The following PEX14 variants were observed in gnomAD, a reference collection of about 807,000 sequenced individuals.
PEX14 encodes the protein peroxisomal biogenesis factor 14, also known as peroxisomal membrane protein PEX14.
In PEX14, 15 loss-of-function variants were observed where a neutral mutation model predicts 49.5. The ratio of observed to expected loss-of-function variants is 0.30; its 90% CI spans 0.20 to 0.47. PEX14 has a LOEUF of 0.47. Among genes scored for constraint, PEX14 ranks in the 20% least tolerant of loss-of-function variants. The pLI, the probability that PEX14 is intolerant of heterozygous loss-of-function variation, is 1.00. For synonymous variants in PEX14, 210 were observed against 212.7 expected, an observed-to-expected ratio of 0.99 and a Z score of 0.11; for missense variants, 398 against 494.8, an observed-to-expected ratio of 0.80 and a Z score of 1.86.
intron 3 of PEX14, among the ~76,000 whole-genome samples, chr1:10,587,149 CAA>C (rs1570312220): frequency 6.6e-6 from 1 of 151,920 alleles, no homozygotes; most frequent in Non-Finnish European, 1.5e-5. Context: ...TCAATGCCAA[CAA>C]AAGTTTCCTT....
chr1:10,616,850 T>C (rs1454059308), intron 4 of PEX14: 1 of 152,138 alleles, frequency 6.6e-6, no homozygotes, highest in Non-Finnish European at 1.5e-5. Context: ...GGCGCGGTGC[T>C]GCTCGCCTGT....
rs777737482 is a variant in PEX14 at position 10,627,317 on chromosome 1, G to A, written c.631G>A (p.Glu211Lys). Reference sequence around the variant, plus strand: ...GATCCTGGAGTCCCAGAATATCAACGAACTCAAGTCCGAAATTAACTCCTT... The same window carrying A: ...GATCCTGGAGTCCCAGAATATCAACAAACTCAAGTCCGAAATTAACTCCTT... ...NWILESQNIN[E>K]LKSEINSLKG... Residue 211 changes from glutamate (E) to lysine (K), a missense_variant, in exon 8 of 9, where the codon GAA (glutamate) becomes AAA (lysine). Around this residue, in one of 3 missense-constraint regions of PEX14, gnomAD observed 202 missense variants for 298.5 expected, o/e 0.68. Coordinates refer to ENST00000356607, the MANE Select transcript of PEX14 (RefSeq NM_004565.3). The A allele has an allele frequency of 9.3e-6, 15 of 1,613,604 alleles. No individual in the cohort carries two copies. The highest frequency in any genetic ancestry group is 1.3e-5 in the African/African-American group (1 of 74,932).
At chr1:10,591,340 A>G (rs1426757274) in intron 3 of PEX14, among the ~76,000 whole-genome samples, 1 of 151,532 alleles carries the variant, frequency 6.6e-6, no homozygotes, top group Admixed American at 6.6e-5. Context: ...TCTTTCTGTT[A>G]TAATCCTAGC....
chr1:10,562,775 A>C (rs1156480924), intron 3 of PEX14, among the ~76,000 whole-genome samples: 2 of 152,206 alleles, frequency 1.3e-5, no homozygotes, highest in Non-Finnish European at 2.9e-5. Flanking sequence ...CTTCGACACT[A>C]TATGAGTAGC....
intron 3 of PEX14, among the ~76,000 whole-genome samples, chr1:10,583,192 A>G (rs537181613): frequency 2.0e-5 from 3 of 150,258 alleles, no homozygotes; most frequent in African/African-American, 7.3e-5. Flanking sequence ...TGTTTTACAT[A>G]TTGGGGTTTC....
chr1:10,551,463 A>G (rs895378335), intron 3 of PEX14, among the ~76,000 whole-genome samples: 4 of 152,192 alleles, frequency 2.6e-5, no homozygotes, highest in South Asian at 4.1e-4. Flanking sequence ...AGGCTGGTGC[A>G]TTAGGCAGCT....
chr1:10,592,323 A>AT (rs1640692434), intron 3 of PEX14, among the ~76,000 whole-genome samples: 1 of 152,022 alleles, frequency 6.6e-6, no homozygotes, highest in Admixed American at 6.6e-5. Context: ...CCGCAACGAT[A>AT]TTTGTCCTGC....
intron 5 of PEX14, among the ~76,000 whole-genome samples, chr1:10,618,944 C>G (rs1641514183): frequency 1.3e-5 from 2 of 152,226 alleles, no homozygotes; most frequent in South Asian, 4.1e-4. Context: ...AGAGCCATGC[C>G]CGGCACATGG....
At chr1:10,520,941 A>G (rs748872145) in intron 2 of PEX14, among the ~76,000 whole-genome samples, 1 of 144,674 alleles carries the variant, frequency 6.9e-6, no homozygotes, top group Non-Finnish European at 1.5e-5. Context: ...TGAAAGCTTT[A>G]TCTTCTCTTT....
intron 4 of PEX14, among the ~76,000 whole-genome samples, chr1:10,612,104 T>C (rs965981365): frequency 1.3e-5 from 2 of 152,240 alleles, no homozygotes; most frequent in Admixed American, 1.3e-4. Context: ...TGATTTCTTA[T>C]AGAAGTTTTA....
chr1:10,492,348 T>G (rs1053904598), intron 1 of PEX14, among the ~76,000 whole-genome samples: 1 of 152,222 alleles, frequency 6.6e-6, no homozygotes, highest in African/African-American at 2.4e-5. Context: ...TAAAGCTGTT[T>G]GCTTTTGTGT....
At chr1:10,501,617 TA>T (rs1487530610) in intron 2 of PEX14, among the ~76,000 whole-genome samples, 2 of 151,924 alleles carry the variant, frequency 1.3e-5, no homozygotes, top group African/African-American at 4.8e-5. Context: ...AGTTTATTTT[TA>T]AAAAGCAAAT....
rs1314532979 is a variant in PEX14 at position 10,623,771 on chromosome 1, C to T, written c.488-569C>T. Reference sequence around the variant, plus strand: ...TGAAGCTCACAGAAACCCTCTGACACGTCCATCCTGCTGCCGTTTGCTCCT... The same window carrying T: ...TGAAGCTCACAGAAACCCTCTGACATGTCCATCCTGCTGCCGTTTGCTCCT... On this transcript the variant is annotated intron_variant, in intron 6 of 8. Transcript: ENST00000356607. The surrounding 1 kb of genome is among the most constrained non-coding windows in gnomAD (Gnocchi z 4.4). Among the ~76,000 whole-genome samples the T allele has an allele frequency of 2.0e-5, 3 of 152,252 alleles. No individual in the cohort carries two copies. The highest frequency in any genetic ancestry group is 4.4e-5 in the Non-Finnish European group (3 of 68,048).
At chr1:10,527,951 G>A (rs890009893) in intron 2 of PEX14, among the ~76,000 whole-genome samples, 1 of 152,194 alleles carries the variant, frequency 6.6e-6, no homozygotes, top group East Asian at 1.9e-4. Flanking sequence ...GATTACAAGC[G>A]TGAGCCACTG....
In PEX14 at chr1:10,599,353, A is replaced by G. The variant is rs762439153; in HGVS notation, c.285A>G (p.Ile95Met). The G allele has an allele frequency of 6.2e-7, 1 of 1,613,968 alleles. No homozygotes were observed. The highest frequency in any genetic ancestry group is 1.3e-5 in the African/African-American group (1 of 74,888). ...QVVPVQPPHL[I>M]SQPYSPAGSR... ...TTCCTGTCCAGCCCCCTCACCTCAT[A>G]TCTCAGCCATACAGTAAGTCACCCG... The change falls in exon 4 of 9, where the codon ATA becomes ATG. Residue 95 changes from isoleucine to methionine, a missense_variant. Physicochemically the swap from Ile to Met is conservative, Grantham distance 10. Around this residue, in one of 3 missense-constraint regions of PEX14, gnomAD observed 202 missense variants for 298.5 expected, o/e 0.68. Transcript: ENST00000356607.
In PEX14 at chr1:10,554,287, G is replaced by C. The variant is rs372470608; in HGVS notation, c.169+17990G>C. On this transcript the variant is annotated intron_variant, in intron 3 of 8. Coordinates refer to ENST00000356607, the MANE Select transcript of PEX14 (RefSeq NM_004565.3). ...CCACTGCACTCCAGCCTGGGTGACA[G>C]AGCGAGACTCCGTCTCAAAAAAAAA... 3.5e-5 allele frequency among the ~76,000 whole-genome samples: 5 copies of C among 141,498 alleles called. No homozygotes were observed. In the South Asian group the frequency reaches 1.2e-3, roughly 34 times the overall value. 92.8% of individuals were successfully genotyped at this position (141,498 alleles called of 152,430 possible). A position where few individuals can be genotyped will look rare whatever the true frequency, so the allele number is the denominator to read the frequency against.
At chr1:10,585,837 G>A (rs1472224737) in intron 3 of PEX14, among the ~76,000 whole-genome samples, 2 of 152,190 alleles carry the variant, frequency 1.3e-5, no homozygotes, top group South Asian at 2.1e-4. Context: ...CAAAGATTGC[G>A]GTGAGTGGAG....
chr1:10,630,013 G>A lies in PEX14; in HGVS notation c.*26G>A, dbSNP rs1461793186. 1.4e-5 allele frequency: 23 copies of A among 1,605,258 alleles called. No individual in the cohort carries two copies. The highest frequency in any genetic ancestry group is 1.9e-5 in the Non-Finnish European group (22 of 1,179,330). On this transcript the variant is annotated 3_prime_UTR_variant, in exon 9 of 9. Coordinates refer to ENST00000356607, the MANE Select transcript of PEX14 (RefSeq NM_004565.3). This position sits in a 1 kb window ranked among gnomAD's most constrained non-coding sequence, Gnocchi z 4.1. ...GGCTGCGCCTGCTGCCTCCAGCCCT[G>A]AGGATGGCATCTAGTGTGCCCGTGC...
At chr1:10,602,607 A>G (rs986136525) in intron 4 of PEX14, among the ~76,000 whole-genome samples, 1 of 152,230 alleles carries the variant, frequency 6.6e-6, no homozygotes, top group African/African-American at 2.4e-5. Context: ...ACATGCTCCA[A>G]AATGAACCCC....
Sources: gnomAD v4.1 joint callset for allele counts (sites outside exome capture counted in the v4.1 genomes callset) on GRCh38, gnomAD v4.1.1 for gene constraint, gnomAD v4.1.1 regional missense constraint, Gnocchi (gnomAD v3.1) non-coding constraint, MANE v1.5 for transcripts, NCBI Gene and HGNC (gene_info 2026-07-23, HGNC 2026-07-21) for gene names.